Variants in STK32B observed in about 807,000 individuals in gnomAD.
STK32B encodes serine/threonine kinase 32B.
In STK32B, 43 loss-of-function variants were observed where a neutral mutation model predicts 52.6. The observed-to-expected ratio is 0.82, with a 90% CI of 0.64 to 1.05. STK32B has a LOEUF of 1.05. Ranked by LOEUF, STK32B falls within the 50% of genes least tolerant of loss-of-function variation. The pLI, the probability that STK32B is intolerant of heterozygous loss-of-function variation, is 0.00. For missense variants in STK32B, 621 were observed against 534.6 expected, an observed-to-expected ratio of 1.16 and a Z score of -1.59; for synonymous variants, 238 against 204.3, an observed-to-expected ratio of 1.17 and a Z score of -1.41.
intron 6 of STK32B, among the ~76,000 whole-genome samples, chr4:5,431,167 A>T (rs36078840): frequency 1.3e-5 from 2 of 152,266 alleles, no homozygotes; most frequent in Non-Finnish European, 2.9e-5. Flanking sequence ...AGCTTGGCCC[A>T]TGGAACCAAA....
intron 7 of STK32B, among the ~76,000 whole-genome samples, chr4:5,447,531 G>A (rs1715572146): frequency 6.6e-6 from 1 of 152,174 alleles, no homozygotes; most frequent in African/African-American, 2.4e-5. Context: ...AGCTACTTGG[G>A]AGGCTGAGGC....
chr4:5,429,590 A>G (rs897241636), intron 6 of STK32B, among the ~76,000 whole-genome samples: 1 of 151,962 alleles, frequency 6.6e-6, no homozygotes, highest in Non-Finnish European at 1.5e-5. Flanking sequence ...TTTGCTTCAA[A>G]TAGTCAATTA....
At chr4:5,371,210 G>A (rs1735220233) in intron 4 of STK32B, among the ~76,000 whole-genome samples, 1 of 152,014 alleles carries the variant, frequency 6.6e-6, no homozygotes, top group Non-Finnish European at 1.5e-5. Flanking sequence ...CAGAAGGAGG[G>A]ATCAGTAGAT....
chr4:5,440,300 T>A (rs1714595273), intron 6 of STK32B, among the ~76,000 whole-genome samples: 1 of 152,228 alleles, frequency 6.6e-6, no homozygotes, highest in South Asian at 2.1e-4. Context: ...CTTGTAGTTC[T>A]CCTTGAAGAG....
At chr4:5,491,533 G>A (rs944622254) in intron 11 of STK32B, among the ~76,000 whole-genome samples, 2 of 151,848 alleles carry the variant, frequency 1.3e-5, no homozygotes, top group African/African-American at 4.8e-5. Context: ...TAGGTTGCCT[G>A]TTCACTCTGA....
In STK32B at chr4:5,344,310, A is replaced by C. The variant is rs528353044; in HGVS notation, c.434+12917A>C. Among the ~76,000 whole-genome samples, 8 of 152,332 alleles carry C rather than the reference A, an allele frequency of 5.3e-5. No individual in the cohort carries two copies. The South Asian group carries it at 1.7e-3, about 32-fold the overall frequency. Reference sequence around the variant, plus strand: ...AATTTTTACCAGTAGCATTACCTACATGAAATTGTATCTGAAATGCCTGAA... The same window carrying C: ...AATTTTTACCAGTAGCATTACCTACCTGAAATTGTATCTGAAATGCCTGAA... On this transcript the variant is annotated intron_variant, in intron 4 of 11. Transcript: ENST00000282908.
At chr4:5,251,594 A>G (rs1002482855) in intron 3 of STK32B, among the ~76,000 whole-genome samples, 4 of 151,944 alleles carry the variant, frequency 2.6e-5, no homozygotes, top group African/African-American at 7.3e-5. Context: ...GAATTTTATA[A>G]TTTTTTTAAT....
At chr4:5,178,151 G>C (rs891306293) in intron 3 of STK32B, among the ~76,000 whole-genome samples, 29 of 152,326 alleles carry the variant, frequency 1.9e-4, no homozygotes, top group African/African-American at 7.0e-4. Context: ...TCTGCTTGGA[G>C]ATCCAAGTGT....
At chr4:5,333,795 G>A (rs1430329497) in intron 4 of STK32B, among the ~76,000 whole-genome samples, 5 of 151,390 alleles carry the variant, frequency 3.3e-5, no homozygotes, top group South Asian at 2.1e-4. Flanking sequence ...GTAGATATGC[G>A]GCTTATTTCT....
intron 3 of STK32B, among the ~76,000 whole-genome samples, chr4:5,310,419 C>T (rs1299018524): frequency 6.6e-6 from 1 of 152,020 alleles, no homozygotes; most frequent in Non-Finnish European, 1.5e-5. Context: ...ATACAAATGG[C>T]AAACGTATGT....
At chr4:5,242,032 A>C (rs1344831853) in intron 3 of STK32B, among the ~76,000 whole-genome samples, 1 of 152,206 alleles carries the variant, frequency 6.6e-6, no homozygotes, top group Non-Finnish European at 1.5e-5. Context: ...TGCCACAATA[A>C]ACATACATGT....
chr4:5,225,669 C>T (rs1723817404), intron 3 of STK32B, among the ~76,000 whole-genome samples: 1 of 152,108 alleles, frequency 6.6e-6, no homozygotes, highest in Non-Finnish European at 1.5e-5. Flanking sequence ...CTTTCTGTGC[C>T]TTGTCCTGTG....
intron 5 of STK32B, among the ~76,000 whole-genome samples, chr4:5,413,105 G>C (rs1254469828): frequency 6.6e-6 from 1 of 152,038 alleles, no homozygotes; most frequent in African/African-American, 2.4e-5. Flanking sequence ...TCAGATCTTT[G>C]CTCAAATGTC....
chr4:5,164,470 T>G (rs1411450082), intron 2 of STK32B, among the ~76,000 whole-genome samples: 2 of 152,218 alleles, frequency 1.3e-5, no homozygotes, highest in Non-Finnish European at 1.5e-5. Flanking sequence ...CAAAGACCCC[T>G]ATCCAAATAA....
intron 6 of STK32B, among the ~76,000 whole-genome samples, chr4:5,426,495 A>G (rs969398344): frequency 2.6e-5 from 4 of 152,118 alleles, no homozygotes; most frequent in Non-Finnish European, 5.9e-5. Flanking sequence ...ACTTGAGACC[A>G]GGATTTCAAG....
At chr4:5,019,917 C>T in the STK32B span, among the ~76,000 whole-genome samples, 2 of 152,140 alleles carry the variant, frequency 1.3e-5, no homozygotes, top group South Asian at 4.2e-4. Context: ...GCATCCCTCC[C>T]TCCAGGCAGC....
At chr4:5,326,609 C>A (rs1343876218) in intron 3 of STK32B, among the ~76,000 whole-genome samples, 1 of 152,172 alleles carries the variant, frequency 6.6e-6, no homozygotes, top group Non-Finnish European at 1.5e-5. Context: ...CAGTGTGCAA[C>A]AGCATTATGT....
intron 1 of STK32B, among the ~76,000 whole-genome samples, chr4:5,090,519 G>A (rs1290777807): frequency 4.6e-5 from 7 of 151,784 alleles, no homozygotes; most frequent in Admixed American, 3.3e-4. Context: ...GGGACTACAG[G>A]TGCCTGACTA....
intron 3 of STK32B, among the ~76,000 whole-genome samples, chr4:5,316,572 C>T (rs796227497): frequency 5.2e-3 from 3 of 580 alleles, no homozygotes; most frequent in Non-Finnish European, 4.5e-3. Flanking sequence ...ATATATATTA[C>T]ATATATAATA....
Sources: gnomAD v4.1 joint callset for allele counts (sites outside exome capture counted in the v4.1 genomes callset) on GRCh38, gnomAD v4.1.1 for gene constraint, MANE v1.5 for transcripts, NCBI Gene and HGNC (gene_info 2026-07-23, HGNC 2026-07-21) for gene names.